Variants in STARD13 observed in about 807,000 individuals in gnomAD.
STARD13 encodes the protein StAR related lipid transfer domain containing 13, also known as stAR-related lipid transfer protein 13.
STARD13 carries 62 observed loss-of-function variants against 106.4 expected under a neutral mutation model. That is an observed-to-expected ratio of 0.58 (90% CI 0.48 to 0.72). The LOEUF is 0.72. Ranked by LOEUF, STARD13 falls within the 30% of genes least tolerant of loss-of-function variation. The pLI is 0.00. For missense variants in STARD13, 1,387 were observed against 1,424.0 expected, an observed-to-expected ratio of 0.97 and a Z score of 0.42; for synonymous variants, 565 against 553.0, an observed-to-expected ratio of 1.02 and a Z score of -0.31.
At chr13:33,298,546 A>G (rs549924916) in intron 1 of STARD13, among the ~76,000 whole-genome samples, 1 of 152,000 alleles carries the variant, frequency 6.6e-6, no homozygotes, top group African/African-American at 2.4e-5. Flanking sequence ...ACGGCTTACT[A>G]TGTAAGTCAT....
At chr13:33,408,102 G>C in the STARD13 span, among the ~76,000 whole-genome samples, 1 of 152,120 alleles carries the variant, frequency 6.6e-6, no homozygotes. Flanking sequence ...CTGTGTGTTA[G>C]TAGTATGCAG....
At chr13:33,153,326 G>A (rs540351563) in intron 3 of STARD13, among the ~76,000 whole-genome samples, 10 of 152,290 alleles carry the variant, frequency 6.6e-5, no homozygotes, top group East Asian at 3.9e-4. Context: ...GAAGTAAGGC[G>A]GTCGTCAGCA....
At chr13:33,253,547 G>A (rs1890190695) in intron 1 of STARD13, among the ~76,000 whole-genome samples, 1 of 152,188 alleles carries the variant, frequency 6.6e-6, no homozygotes, top group Non-Finnish European at 1.5e-5. Flanking sequence ...GAAGCATGCT[G>A]TTGGGCTCTA....
At chr13:33,343,595 A>AC (rs1381344721) in intron 1 of STARD13, among the ~76,000 whole-genome samples, 4 of 87,970 alleles carry the variant, frequency 4.5e-5, no homozygotes, top group African/African-American at 2.0e-4. Context: ...AAAAAAAAAA[A>AC]AACAAATCTA....
chr13:33,417,860 T>C, the STARD13 span, among the ~76,000 whole-genome samples: 2 of 152,178 alleles, frequency 1.3e-5, no homozygotes, highest in East Asian at 3.8e-4. Flanking sequence ...CGGTGATAGC[T>C]GCAAAACTCT....
At chr13:33,116,382 G>T (rs1206831233) in intron 8 of STARD13, among the ~76,000 whole-genome samples, 14 of 152,064 alleles carry the variant, frequency 9.2e-5, no homozygotes, top group Non-Finnish European at 2.1e-4. Flanking sequence ...TGTTGTGTTG[G>T]AGTTTTTTGT....
the STARD13 span, among the ~76,000 whole-genome samples, chr13:33,478,300 A>C: frequency 6.6e-6 from 1 of 152,186 alleles, no homozygotes; most frequent in South Asian, 2.1e-4. Flanking sequence ...TAACACCTTC[A>C]CCCACGAAGT....
chr13:33,141,034 A>C (rs1566019409), intron 4 of STARD13, among the ~76,000 whole-genome samples: 1 of 152,190 alleles, frequency 6.6e-6, no homozygotes, highest in Non-Finnish European at 1.5e-5. Flanking sequence ...CTGGGATTAC[A>C]GGTGTGAGCC....
chr13:33,538,188 G>A, the STARD13 span, among the ~76,000 whole-genome samples: 1 of 152,100 alleles, frequency 6.6e-6, no homozygotes, highest in African/African-American at 2.4e-5. Context: ...ATACAAAAAG[G>A]ATCTTGAGAG....
intron 1 of STARD13, among the ~76,000 whole-genome samples, chr13:33,305,449 C>A (rs1892870751): frequency 6.6e-6 from 1 of 152,146 alleles, no homozygotes; most frequent in African/African-American, 2.4e-5. Flanking sequence ...TAAGCATATA[C>A]CTTCTGAATC....
the STARD13 span, among the ~76,000 whole-genome samples, chr13:33,487,672 G>A: frequency 0.21 from 31,229 of 151,978 alleles, 5,720 homozygotes; most frequent in African/African-American, 0.49. Context: ...TGTTAACCTT[G>A]GTCTATTACA....
At chr13:33,184,567 C>T (rs1382452677) in intron 1 of STARD13, among the ~76,000 whole-genome samples, 1 of 152,104 alleles carries the variant, frequency 6.6e-6, no homozygotes, top group East Asian at 1.9e-4. Context: ...TCTATGGGTC[C>T]CTGAGCAAGT....
At chr13:33,389,653 T>C in the STARD13 span, among the ~76,000 whole-genome samples, 1 of 152,210 alleles carries the variant, frequency 6.6e-6, no homozygotes, top group South Asian at 2.1e-4. Context: ...GTCACATTGT[T>C]CATTCACATT....
At position 33,127,502 on chromosome 13, in the gene STARD13, G is replaced by A. The variant is rs148556189; in HGVS notation, c.1793C>T (p.Pro598Leu). 213 of 1,579,668 alleles carry A rather than the reference G, an allele frequency of 1.3e-4. 2 individuals are homozygous for A. In the African/African-American group the frequency reaches 2.1e-3, roughly 16 times the overall value. ...GCTGATGTGGGGCGATGCTGGGGCC[G>A]GCCGGGGCTGGTGCGACAGCTGGAA... ...NSFQLSHQPR[P>L]APASPHISSQ... The change falls in exon 6 of 14, where the codon CCG (proline) becomes CTG (leucine). Residue 598 changes from proline (P) to leucine (L), a missense_variant. By Grantham distance (98) the Pro-to-Leu change is moderately conservative. Transcript: ENST00000336934.
chr13:33,337,247 C>A (rs934720916), intron 1 of STARD13, among the ~76,000 whole-genome samples: 6 of 151,992 alleles, frequency 3.9e-5, no homozygotes, highest in Non-Finnish European at 7.4e-5. Flanking sequence ...GAGTAAGTAC[C>A]CTAGGTGAAA....
chr13:33,152,737 A>G (rs79846623), intron 3 of STARD13, among the ~76,000 whole-genome samples: 2,269 of 152,290 alleles, frequency 0.015, 55 homozygotes, highest in African/African-American at 0.052. Context: ...TCTTTTTGGG[A>G]AACTAGCTGG....
chr13:33,164,528 T>A (rs915179731), intron 3 of STARD13: 1 of 152,174 alleles, frequency 6.6e-6, no homozygotes, highest in Admixed American at 6.5e-5. Context: ...CCATAACTAA[T>A]CCTTATCTTC....
rs984880240 is a variant in STARD13, at chr13:33,112,787, T to C, written c.2426A>G (p.Asn809Ser). 2.9e-5 allele frequency: 46 copies of C among 1,613,694 alleles called. No homozygotes were observed. The highest frequency in any genetic ancestry group is 1.8e-4 in the East Asian group (8 of 44,890). ...GGAGGGGGCCAGACACACTGCCAGG[T>C]TCATGGGCGTCATCTGATTCTCTTC... Reference protein sequence around the residue: ...LVEENQMTPMNLAVCLAPSLF... With the variant: ...LVEENQMTPMSLAVCLAPSLF... Residue 809 changes from asparagine (N) to serine (S), a missense_variant, in exon 9 of 14, where the codon AAC becomes AGC. By Grantham distance (46) the Asn-to-Ser change is conservative. Coordinates refer to ENST00000336934, the MANE Select transcript of STARD13 (RefSeq NM_178006.4).
chr13:33,187,668 TA>T (rs1488066645), intron 1 of STARD13, among the ~76,000 whole-genome samples: 2 of 152,294 alleles, frequency 1.3e-5, no homozygotes, highest in East Asian at 3.9e-4. Flanking sequence ...ATCTTTTTTT[TA>T]AAAGAAAAAA....
Sources: gnomAD v4.1 joint callset for allele counts (sites outside exome capture counted in the v4.1 genomes callset) on GRCh38, gnomAD v4.1.1 for gene constraint, MANE v1.5 for transcripts, NCBI Gene and HGNC (gene_info 2026-07-23, HGNC 2026-07-21) for gene names.